The following DGLUCY variants were observed in gnomAD, a reference collection of about 807,000 sequenced individuals.
DGLUCY encodes D-glutamate cyclase.
In DGLUCY, 58 loss-of-function variants were observed where a neutral mutation model predicts 58.5. That is an observed-to-expected ratio of 0.99 (90% CI 0.80 to 1.23). The LOEUF (loss-of-function observed/expected upper bound fraction) is 1.23. DGLUCY is among the 50% of genes most tolerant of loss of function. The pLI is 0.00. For missense variants in DGLUCY, 779 were observed against 784.7 expected, an observed-to-expected ratio of 0.99 and a Z score of 0.09; for synonymous variants, 325 against 314.1, an observed-to-expected ratio of 1.03 and a Z score of -0.37.
chr14:91,133,875 TG>T (rs1203122435), intron 1 of DGLUCY, among the ~76,000 whole-genome samples: 3 of 152,240 alleles, frequency 2.0e-5, no homozygotes, highest in Non-Finnish European at 4.4e-5. Context: ...ACTGTGGTTT[TG>T]ATTTGCAGTT....
In DGLUCY at chr14:91,074,294, CAAAAA is replaced by C. The variant is rs55872945; in HGVS notation, c.-82+13605_-82+13609del. Among the ~76,000 whole-genome samples the C allele has an allele frequency of 2.4e-3, 243 of 103,264 alleles. 1 individual carries two copies. The highest frequency in any genetic ancestry group is 8.0e-3 in the African/African-American group (222 of 27,696). The allele number at this position is 103,264 out of a possible 152,430, so 67.7% of individuals were successfully genotyped here. On this transcript the variant is annotated intron_variant, in intron 1 of 4. Coordinates refer to the DGLUCY transcript ENST00000521334. ...TGGGCAACTGAGCGATACCCTGTCT[CAAAAA>C]AAAAAAAAAAAAAATATATATATAT... is the stretch of plus-strand genomic sequence containing the variant.
intron 9 of DGLUCY, among the ~76,000 whole-genome samples, chr14:91,195,595 C>A (rs8004687): frequency 0.33 from 49,798 of 151,230 alleles, 10,470 homozygotes; most frequent in African/African-American, 0.59. Context: ...ATGGCCTTGC[C>A]CAAGTTGTTT....
At chr14:91,093,099 A>C (rs1418310189) in intron 1 of DGLUCY, among the ~76,000 whole-genome samples, 4 of 152,060 alleles carry the variant, frequency 2.6e-5, no homozygotes, top group African/African-American at 9.7e-5. Context: ...AAAAAAAAAA[A>C]AGATAATTTG....
chr14:91,214,429 C>A (rs919479429), intron 12 of DGLUCY, among the ~76,000 whole-genome samples: 5 of 152,224 alleles, frequency 3.3e-5, no homozygotes, highest in Non-Finnish European at 5.9e-5. Flanking sequence ...GAAGGGAAGT[C>A]TGAGGCTGAT....
At chr14:91,144,479 G>T (rs2046909741) in intron 1 of DGLUCY, among the ~76,000 whole-genome samples, 1 of 152,134 alleles carries the variant, frequency 6.6e-6, no homozygotes, top group Admixed American at 6.5e-5. Flanking sequence ...AGAATTGCTT[G>T]AACCTGGGAG....
At position 91,167,333 on chromosome 14, in the gene DGLUCY, C is replaced by T; in HGVS notation, c.212C>T (p.Pro71Leu). ...GPLPLLGQSEPEKWMLPPQGA... is the reference protein window; with the variant it reads ...GPLPLLGQSELEKWMLPPQGA... ...CTACCCCTGCTGGGCCAGAGTGAGC[C>T]AGAAAAGTGGATGCTGCCCCCTCAA... is the stretch of plus-strand genomic sequence containing the variant. Residue 71 changes from proline to leucine, a missense_variant, in exon 4 of 14, where the codon CCA (proline) becomes CTA (leucine). Pro to Leu is a moderately conservative substitution (Grantham distance 98). Transcript: ENST00000256324. 1 of 1,613,980 alleles carries T rather than the reference C, an allele frequency of 6.2e-7. No homozygotes were observed. Among genetic ancestry groups the T allele is most frequent in the Non-Finnish European group, 8.5e-7 (1 of 1,179,980 alleles).
chr14:91,073,983 C>A (rs1372216727), intron 1 of DGLUCY, among the ~76,000 whole-genome samples: 1 of 151,292 alleles, frequency 6.6e-6, no homozygotes, highest in Non-Finnish European at 1.5e-5. Flanking sequence ...TTGCCTGGCA[C>A]GGTGGCTCAC....
intron 13 of DGLUCY, among the ~76,000 whole-genome samples, chr14:91,217,058 T>C (rs1465650542): frequency 6.6e-6 from 1 of 152,104 alleles, no homozygotes; most frequent in East Asian, 1.9e-4. Flanking sequence ...CCTCTGGGGC[T>C]CCTCAAGGAG....
At chr14:91,182,790 A>G (rs2049264576) in intron 8 of DGLUCY, among the ~76,000 whole-genome samples, 1 of 152,166 alleles carries the variant, frequency 6.6e-6, no homozygotes, top group Non-Finnish European at 1.5e-5. Context: ...TATATTGTAT[A>G]ACGCATCTCA....
intron 11 of DGLUCY, among the ~76,000 whole-genome samples, chr14:91,202,887 G>A (rs957445019): frequency 1.2e-4 from 18 of 152,128 alleles, no homozygotes; most frequent in Non-Finnish European, 4.4e-5. Flanking sequence ...TGTGGCCCCC[G>A]CCGCCCCAGA....
upstream of DGLUCY, among the ~76,000 whole-genome samples, chr14:91,103,835 T>C (rs2044535476): frequency 6.6e-6 from 1 of 151,608 alleles, no homozygotes; most frequent in East Asian, 1.9e-4. Flanking sequence ...CACATATATA[T>C]ACACACACAT....
intron 1 of DGLUCY, among the ~76,000 whole-genome samples, chr14:91,080,687 A>G (rs2044108808): frequency 6.6e-6 from 1 of 152,088 alleles, no homozygotes; most frequent in African/African-American, 2.4e-5. Context: ...TGTAATTTTT[A>G]ATGGTTTCCC....
intron 10 of DGLUCY, among the ~76,000 whole-genome samples, chr14:91,198,859 A>T (rs1415140187): frequency 6.6e-6 from 1 of 152,054 alleles, no homozygotes; most frequent in Non-Finnish European, 1.5e-5. Flanking sequence ...AAGGTTAGGG[A>T]GGTTAAGCAA....
chr14:91,210,504 C>T lies in DGLUCY; in HGVS notation c.1565-4901C>T, dbSNP rs1253012125. The stretch of plus-strand genomic sequence containing the variant: ...CTGGGTTGTACCACTGCACTCCAGC[C>T]TTGGCAACAGAGTGAGACTCTGTCT... On this transcript the variant is annotated intron_variant, in intron 12 of 13. Transcript: ENST00000256324. 2.0e-5 allele frequency among the ~76,000 whole-genome samples: 3 copies of T among 151,928 alleles called. No individual in the cohort carries two copies. The East Asian group carries it at 5.8e-4, about 29-fold the overall frequency.
intron 1 of DGLUCY, among the ~76,000 whole-genome samples, chr14:91,135,573 C>T (rs1213143567): frequency 6.8e-6 from 1 of 147,486 alleles, no homozygotes; most frequent in African/African-American, 2.5e-5. Context: ...TCACTTGAAC[C>T]TGGGAGGCAG....
chr14:91,141,592 G>C (rs1041794389), intron 1 of DGLUCY, among the ~76,000 whole-genome samples: 3 of 138,130 alleles, frequency 2.2e-5, no homozygotes, highest in Admixed American at 1.7e-4. Context: ...TCACTCTGTC[G>C]CCAGGCTGGA....
chr14:91,202,351 G>A (rs1419940527), intron 11 of DGLUCY, among the ~76,000 whole-genome samples: 2 of 152,170 alleles, frequency 1.3e-5, no homozygotes, highest in African/African-American at 4.8e-5. Flanking sequence ...TCTTCCCTCT[G>A]GGTGGGTCTC....
intron 12 of DGLUCY, among the ~76,000 whole-genome samples, chr14:91,206,339 G>A (rs1268054553): frequency 4.0e-5 from 6 of 151,868 alleles, no homozygotes; most frequent in African/African-American, 1.5e-4. Context: ...TCCCCTCCCC[G>A]ACACATCTTA....
chr14:91,199,733 C>T, intron 10 of DGLUCY, 24 bp from the exon 11 acceptor site: 1 of 1,613,618 alleles, frequency 6.2e-7, no homozygotes. Context: ...GACCCTCTGA[C>T]CTCTGACCTT....
Sources: gnomAD v4.1 joint callset for allele counts (sites outside exome capture counted in the v4.1 genomes callset) on GRCh38, gnomAD v4.1.1 for gene constraint, MANE v1.5 for transcripts, NCBI Gene and HGNC (gene_info 2026-07-23, HGNC 2026-07-21) for gene names.